Variants in SARS1 observed in about 807,000 individuals in gnomAD.
SARS1 encodes the protein serine--tRNA ligase, cytoplasmic.
A neutral mutation model predicts 63.7 loss-of-function variants in SARS1; 25 were observed. The ratio of observed to expected loss-of-function variants is 0.39; its 90% CI spans 0.29 to 0.55. The LOEUF (loss-of-function observed/expected upper bound fraction) is 0.55. Among genes scored for constraint, SARS1 ranks in the 20% least tolerant of loss-of-function variants. The pLI, the probability that SARS1 is intolerant of heterozygous loss-of-function variation, is 0.62. For missense variants in SARS1, 417 were observed against 649.7 expected (o/e 0.64, Z 3.89); for synonymous variants, 231 against 243.5 (o/e 0.95, Z 0.48).
At chr1:109,219,911 GTAAA>G (rs1654892366) in intron 1 of SARS1, among the ~76,000 whole-genome samples, 1 of 152,134 alleles carries the variant, frequency 6.6e-6, no homozygotes, top group Non-Finnish European at 1.5e-5. Context: ...ACTCCATTAT[GTAAA>G]TATGCCAATC....
At position 109,237,957 on chromosome 1, in the gene SARS1, C is replaced by A; in HGVS notation, c.*69C>A. ...TGAGATCTCAGAGCCTGCCCAACAG[C>A]AGGGAAGCCAAGCACCCATTCATCC... On this transcript the variant is annotated 3_prime_UTR_variant, in exon 11 of 11. Coordinates refer to ENST00000234677, the MANE Select transcript of SARS1 (RefSeq NM_006513.4). This position sits in a 1 kb window ranked among gnomAD's most constrained non-coding sequence, Gnocchi z 4.1. 6.4e-7 allele frequency: 1 copy of A among 1,559,888 alleles called. No individual in the cohort carries two copies. The highest frequency in any genetic ancestry group is 8.7e-7 in the Non-Finnish European group (1 of 1,145,750).
chr1:109,227,210 A>G (rs112845184), intron 2 of SARS1, among the ~76,000 whole-genome samples: 1 of 151,248 alleles, frequency 6.6e-6, no homozygotes, highest in African/African-American at 2.4e-5. Context: ...GGTCAGGCTG[A>G]TCTTGAACTC....
In SARS1 at chr1:109,238,129, T is replaced by A. The variant is rs1655353512; in HGVS notation, c.*241T>A. On this transcript the variant is annotated 3_prime_UTR_variant, in exon 11 of 11. Transcript: ENST00000234677. ...AGCATCTCTGGGGAGGGCTTAGGAC[T>A]CTTCCTCAGTCTTCTTCCCCGGGCT... The A allele has an allele frequency of 1.9e-6, 1 of 514,738 alleles. No homozygotes were observed. Among genetic ancestry groups the A allele is most frequent in the East Asian group, 3.1e-5 (1 of 32,506 alleles). The allele number at this position is 514,738 out of a possible 1,614,324, so 31.9% of individuals were successfully genotyped here.
intron 1 of SARS1, among the ~76,000 whole-genome samples, chr1:109,221,403 G>T (rs1456910642): frequency 6.6e-6 from 1 of 152,018 alleles, no homozygotes; most frequent in South Asian, 2.1e-4. Flanking sequence ...CCCCCTTGAG[G>T]TTAGGAACAA....
At chr1:109,231,092 T>C in intron 5 of SARS1, 71 bp downstream of exon 5, 7 of 989,516 alleles carry the variant, frequency 7.1e-6, no homozygotes, top group Non-Finnish European at 9.0e-6. Context: ...TATTTTTTTT[T>C]TTTTTTGTAG....
In SARS1 at chr1:109,229,522, C is replaced by T. The variant is rs770711538; in HGVS notation, c.397C>T (p.Arg133Ter). Residue 133 changes from arginine to a stop codon, truncating the protein, a stop_gained, in exon 4 of 11, where the codon CGA becomes TGA. Coordinates refer to ENST00000234677, the MANE Select transcript of SARS1 (RefSeq NM_006513.4). LOFTEE classifies it high-confidence loss of function. ...KLEAERFENL[R>*]EIGNLLHPSV... is the part of the protein sequence containing the mutation. ...GGAAGCAGAGCGGTTTGAGAACCTCCGAGAGATTGGGAACCTTCTGCACCC... is the reference window on the plus strand; with the variant it reads ...GGAAGCAGAGCGGTTTGAGAACCTCTGAGAGATTGGGAACCTTCTGCACCC... 3.7e-6 allele frequency: 6 copies of T among 1,614,186 alleles called. No individual in the cohort carries two copies. The highest frequency in any genetic ancestry group is 2.2e-5 in the East Asian group (1 of 44,884).
chr1:109,218,753 G>A (rs1385779295), intron 1 of SARS1, among the ~76,000 whole-genome samples: 4 of 151,930 alleles, frequency 2.6e-5, no homozygotes, highest in African/African-American at 7.3e-5. Context: ...CACTTCCAAC[G>A]GCCCTCTTTG....
In SARS1 at chr1:109,214,057, C is replaced by T; in HGVS notation, c.65C>T (p.Thr22Met). 2 of 1,614,126 alleles carry T rather than the reference C, an allele frequency of 1.2e-6. No individual in the cohort carries two copies. Among genetic ancestry groups the T allele is most frequent in the Non-Finnish European group, 1.7e-6 (2 of 1,179,990 alleles). ...GGGGACCCAGCCCTCATCCGAGAGACGCAGGAGAAGCGCTTCAAGGACCCG... is the reference window on the plus strand; with the variant it reads ...GGGGACCCAGCCCTCATCCGAGAGATGCAGGAGAAGCGCTTCAAGGACCCG... ...KGGDPALIRE[T>M]QEKRFKDPGL... The change falls in exon 1 of 11, where the codon ACG (threonine) becomes ATG (methionine). Residue 22 changes from threonine to methionine, a missense_variant. This residue lies in a region of SARS1 where 359 missense variants were observed against 529.6 expected (regional missense o/e 0.68). Transcript: ENST00000234677. This position sits in a 1 kb window ranked among gnomAD's most constrained non-coding sequence, Gnocchi z 4.6.
intron 1 of SARS1, among the ~76,000 whole-genome samples, chr1:109,220,789 A>T (rs1377545222): frequency 6.6e-6 from 1 of 152,092 alleles, no homozygotes; most frequent in Non-Finnish European, 1.5e-5. Flanking sequence ...CAGAATTTGT[A>T]TTCTGTTTTG....
chr1:109,216,094 G>GT (rs1654779392), intron 1 of SARS1: 1 of 985,338 alleles, frequency 1.0e-6, no homozygotes, highest in African/African-American at 1.7e-5. Flanking sequence ...TGGAATTTAT[G>GT]TTTTTTCCCA....
rs577757759 is a variant in SARS1 at position 109,228,951 on chromosome 1, G to A, written c.289-463G>A. On this transcript the variant is annotated intron_variant, in intron 3 of 10. Transcript: ENST00000234677. ...CTTGCCTCAAAGAAATAAGAGCACA[G>A]TTTGAAACACCTGCAATACAGAATA... Among the ~76,000 whole-genome samples the A allele has an allele frequency of 3.3e-5, 5 of 152,320 alleles. No homozygotes were observed. The South Asian group carries it at 6.2e-4, about 19-fold the overall frequency.
chr1:109,238,095 A>C lies in SARS1; in HGVS notation c.*207A>C. On this transcript the variant is annotated 3_prime_UTR_variant, in exon 11 of 11. Transcript: ENST00000234677. ...CCCATCATTGATGACTGATGAAACCATGTAATAAAGCATCTCTGGGGAGGG... is the reference window on the plus strand; with the variant it reads ...CCCATCATTGATGACTGATGAAACCCTGTAATAAAGCATCTCTGGGGAGGG... The C allele has an allele frequency of 1.6e-6, 1 of 606,998 alleles. No homozygotes were observed. The highest frequency in any genetic ancestry group is 2.9e-6 in the Non-Finnish European group (1 of 339,226). 37.6% of individuals were successfully genotyped at this position (606,998 alleles called of 1,614,324 possible).
chr1:109,236,221 A>G (rs183817780), intron 8 of SARS1, 115 bp downstream of exon 8: 8 of 1,355,908 alleles, frequency 5.9e-6, no homozygotes, highest in Non-Finnish European at 8.1e-6. Flanking sequence ...GCCCACATTA[A>G]TTAAAATATT....
At chr1:109,223,267 G>T (rs912721532) in intron 1 of SARS1, among the ~76,000 whole-genome samples, 2 of 152,200 alleles carry the variant, frequency 1.3e-5, no homozygotes, top group African/African-American at 4.8e-5. Context: ...TTTCTAGCAT[G>T]GAGAGGTAGC....
intron 1 of SARS1, among the ~76,000 whole-genome samples, chr1:109,220,310 G>A (rs2101185894): frequency 6.6e-6 from 1 of 152,328 alleles, no homozygotes; most frequent in East Asian, 1.9e-4. Context: ...TTTCCAAAGT[G>A]GTTGTAATGA....
Position 109,219,335 on chromosome 1 carries a change from C to CTATATATA in SARS1, c.137-4631_137-4624dup, listed in dbSNP as rs112352590. Among the ~76,000 whole-genome samples the CTATATATA allele has an allele frequency of 7.3e-3, 934 of 127,228 alleles. 9 individuals are homozygous for CTATATATA. Among genetic ancestry groups the CTATATATA allele is most frequent in the South Asian group, 0.015 (55 of 3,788 alleles). The allele number at this position is 127,228 out of a possible 152,430, so 83.5% of individuals were successfully genotyped here. On this transcript the variant is annotated intron_variant, in intron 1 of 10. Coordinates refer to ENST00000234677, the MANE Select transcript of SARS1 (RefSeq NM_006513.4). ...TATACACTATATATTTATATACACA[C>CTATATATA]TATATATATATATATATATGACATT...
chr1:109,215,762 G>T (rs1292549970), intron 1 of SARS1: 2 of 642,828 alleles, frequency 3.1e-6, no homozygotes, highest in East Asian at 2.8e-4. Context: ...TTGGAGTGCA[G>T]TGGCACCATC....
chr1:109,237,056 C>A lies in SARS1; in HGVS notation c.1258-188C>A. 8.2e-7 allele frequency: 1 copy of A among 1,216,558 alleles called. No homozygotes were observed. The highest frequency in any genetic ancestry group is 1.1e-6 in the Non-Finnish European group (1 of 891,864). The allele number at this position is 1,216,558 out of a possible 1,614,324, so 75.4% of individuals were successfully genotyped here. A position where few individuals can be genotyped will look rare whatever the true frequency, so the allele number is the denominator to read the frequency against. The stretch of plus-strand genomic sequence containing the variant: ...CATCGAAACATGAGGGATCTTTCTG[C>A]AGTTATCTAATAGGCAATAAATACC... On this transcript the variant is annotated intron_variant, in intron 9 of 10. Transcript: ENST00000234677. This position sits in a 1 kb window ranked among gnomAD's most constrained non-coding sequence, Gnocchi z 4.1.
rs773937466 is a variant in SARS1, at chr1:109,221,970, GTATATATATATATATATATATATA to G, written c.137-1990_137-1967del. The stretch of plus-strand genomic sequence containing the variant: ...GCTCAGCTAATTTTTTTGTGTGTGT[GTATATATATATATATATATATATA>G]TATATATATATATATATTTTTTTTT... On this transcript the variant is annotated intron_variant, in intron 1 of 10. Coordinates refer to ENST00000234677, the MANE Select transcript of SARS1 (RefSeq NM_006513.4). Among the ~76,000 whole-genome samples the G allele has an allele frequency of 5.7e-4, 16 of 28,066 alleles. 1 individual carries two copies. Among genetic ancestry groups the G allele is most frequent in the African/African-American group, 1.9e-3 (13 of 6,922 alleles). The allele number at this position is 28,066 out of a possible 152,430, so 18.4% of individuals were successfully genotyped here.
Sources: gnomAD v4.1 joint callset for allele counts (sites outside exome capture counted in the v4.1 genomes callset) on GRCh38, gnomAD v4.1.1 for gene constraint, gnomAD v4.1.1 regional missense constraint, Gnocchi (gnomAD v3.1) non-coding constraint, MANE v1.5 for transcripts, NCBI Gene and HGNC (gene_info 2026-07-23, HGNC 2026-07-21) for gene names.